SEMA4D: variants seen among roughly 807,000 people sequenced by gnomAD.
SEMA4D encodes the protein semaphorin 4D.
In SEMA4D, 22 loss-of-function variants were observed where a neutral mutation model predicts 74.8. That is an observed-to-expected ratio of 0.29 (90% CI 0.21 to 0.42). The LOEUF is 0.42. Among genes scored for constraint, SEMA4D ranks in the 10% least tolerant of loss-of-function variants. The pLI, the probability that SEMA4D is intolerant of heterozygous loss-of-function variation, is 1.00. For missense variants in SEMA4D, 937 were observed against 1,118.4 expected (o/e 0.84, Z 2.31); for synonymous variants, 445 against 463.7 (o/e 0.96, Z 0.52).
intron 1 of SEMA4D, among the ~76,000 whole-genome samples, chr9:89,461,701 T>TC (rs374879306): frequency 0.087 from 2,706 of 31,206 alleles, 65 homozygotes; most frequent in Non-Finnish European, 0.12. Flanking sequence ...CTTTTTTCTC[T>TC]TTTTTTTTTT....
Position 89,492,683 on chromosome 9 carries a change from C to T in SEMA4D, c.-310+5236G>A, listed in dbSNP as rs1825722979. On this transcript the variant is annotated intron_variant, in intron 1 of 15. Transcript: ENST00000422704. This position sits in a 1 kb window ranked among gnomAD's most constrained non-coding sequence, Gnocchi z 4.3. ...TCCAAGACTCTTGGGTCATCCTGGA[C>T]CCCTTGCTTGCTGCAACAGCCCTCA... 6.6e-6 allele frequency among the ~76,000 whole-genome samples: 1 copy of T among 152,200 alleles called. No homozygotes were observed. The highest frequency in any genetic ancestry group is 1.5e-5 in the Non-Finnish European group (1 of 68,034).
intron 2 of SEMA4D, among the ~76,000 whole-genome samples, chr9:89,414,192 T>C (rs1247922307): frequency 6.6e-6 from 1 of 152,224 alleles, no homozygotes; most frequent in East Asian, 1.9e-4. Flanking sequence ...TAAAATGCCC[T>C]GGCTGGCATC....
intron 2 of SEMA4D, among the ~76,000 whole-genome samples, chr9:89,427,420 C>T (rs968028091): frequency 1.3e-5 from 2 of 150,866 alleles, no homozygotes; most frequent in African/African-American, 5.0e-5. Context: ...CCCTGCCTCC[C>T]TGAGACAGCC....
In SEMA4D at chr9:89,377,877, C is replaced by CGA. The variant is rs200244703; in HGVS notation, c.*825_*826dup. ...GTGGATGTGGGAAGGTCCTCTTCTT[C>CGA]GAGAGAGTAAAAGTTAAAAAAAAAG... On this transcript the variant is annotated 3_prime_UTR_variant, in exon 16 of 16. Coordinates refer to ENST00000422704, the MANE Select transcript of SEMA4D (RefSeq NM_001371194.2). 8,623 of 149,980 alleles carry CGA rather than the reference C, an allele frequency of 0.057. 619 individuals carry two copies. The highest frequency in any genetic ancestry group is 0.23 in the East Asian group (1,176 of 5,090). 9.3% of individuals were successfully genotyped at this position (149,980 alleles called of 1,614,324 possible). A position where few individuals can be genotyped will look rare whatever the true frequency, so the allele number is the denominator to read the frequency against.
In SEMA4D at chr9:89,427,789, C is replaced by T. The variant is rs955172515; in HGVS notation, c.-243-22090G>A. ...GGTTCTCATTTTCCGAGCAGTGTGT[C>T]ACCTTCCAGATGATTCAGAATGTGT... On this transcript the variant is annotated intron_variant, in intron 2 of 15. Coordinates refer to ENST00000422704, the MANE Select transcript of SEMA4D (RefSeq NM_001371194.2). Among the ~76,000 whole-genome samples the T allele has an allele frequency of 2.6e-5, 4 of 152,216 alleles. No individual in the cohort carries two copies. The South Asian group carries it at 6.2e-4, about 24-fold the overall frequency.
At chr9:89,488,947 T>C (rs923435527) in intron 1 of SEMA4D, among the ~76,000 whole-genome samples, 1 of 152,166 alleles carries the variant, frequency 6.6e-6, no homozygotes, top group South Asian at 2.1e-4. Context: ...AACTCACATA[T>C]AAGAAGACAA....
At chr9:89,463,937 C>CCAA (rs562222320) in intron 1 of SEMA4D, among the ~76,000 whole-genome samples, 6 of 125,602 alleles carry the variant, frequency 4.8e-5, no homozygotes, top group African/African-American at 1.5e-4. Flanking sequence ...CCGTCTCAGA[C>CCAA]AAAAAAAAAA....
intron 2 of SEMA4D, among the ~76,000 whole-genome samples, chr9:89,429,399 G>C (rs1848775642): frequency 6.6e-6 from 1 of 152,198 alleles, no homozygotes; most frequent in Non-Finnish European, 1.5e-5. Context: ...CAGCAACACT[G>C]TCACCATCCC....
In SEMA4D at chr9:89,405,673, TACTTCTTCAGGGCCTCAGA is replaced by T. The variant is rs1843170165; in HGVS notation, c.-236_-218del. 1 of 1,413,104 alleles carries T rather than the reference TACTTCTTCAGGGCCTCAGA, an allele frequency of 7.1e-7. No individual in the cohort carries two copies. The highest frequency in any genetic ancestry group is 9.2e-7 in the Non-Finnish European group (1 of 1,087,524). The allele number at this position is 1,413,104 out of a possible 1,614,324, so 87.5% of individuals were successfully genotyped here. A position where few individuals can be genotyped will look rare whatever the true frequency, so the allele number is the denominator to read the frequency against. On this transcript the variant is annotated 5_prime_UTR_variant, in exon 3 of 16. The change abolishes the stop of an existing upstream ORF in the 5' untranslated region. Transcript: ENST00000422704. ...CACCGCAATGTCAAAGCCCACTTGA[TACTTCTTCAGGGCCTCAGA>T]AGAAATGCTGGAAGGACATGAGAAA...
chr9:89,486,622 C>T (rs1825218650), intron 1 of SEMA4D, among the ~76,000 whole-genome samples: 1 of 152,194 alleles, frequency 6.6e-6, no homozygotes, highest in Non-Finnish European at 1.5e-5. Flanking sequence ...AAACCCCAGA[C>T]AGGCTGGGCA....
At chr9:89,456,149 G>A (rs1407789520) in intron 1 of SEMA4D, among the ~76,000 whole-genome samples, 196 bp from the exon 2 acceptor site, 3 of 152,236 alleles carry the variant, frequency 2.0e-5, no homozygotes, top group Admixed American at 6.5e-5. Flanking sequence ...AGGCATCACA[G>A]CTAACAGACA....
At chr9:89,475,955 C>A (rs1355714693) in intron 1 of SEMA4D, among the ~76,000 whole-genome samples, 1 of 152,164 alleles carries the variant, frequency 6.6e-6, no homozygotes, top group Admixed American at 6.5e-5. Context: ...GGAAGGAGGA[C>A]AACAGGAATG....
At chr9:89,472,703 GA>G in intron 1 of SEMA4D, 1 of 160,730 alleles carries the variant, frequency 6.2e-6, no homozygotes, top group South Asian at 1.7e-4. Flanking sequence ...TAATCAAAAG[GA>G]AAAACCCCAG....
intron 2 of SEMA4D, among the ~76,000 whole-genome samples, chr9:89,408,981 G>A (rs991170234): frequency 2.6e-4 from 39 of 152,350 alleles, no homozygotes; most frequent in African/African-American, 9.1e-4. Context: ...CGGATGCGGA[G>A]CCTGCAGAGG....
At chr9:89,369,904 G>A in intron 16 of SEMA4D, among the ~76,000 whole-genome samples, 1 of 151,840 alleles carries the variant, frequency 6.6e-6, no homozygotes, top group East Asian at 1.9e-4. Context: ...ATGTGTGGAT[G>A]TGATTGGTGT....
At chr9:89,438,936 A>AT (rs761109363) in intron 2 of SEMA4D, among the ~76,000 whole-genome samples, 8 of 106,748 alleles carry the variant, frequency 7.5e-5, no homozygotes, top group African/African-American at 2.9e-4. Flanking sequence ...AAGTGCTGGT[A>AT]TTATAGGTGT....
intron 2 of SEMA4D, chr9:89,450,660 G>GAA (rs71358578): frequency 1.0e-4 from 43 of 430,402 alleles, no homozygotes; most frequent in South Asian, 5.7e-4. Flanking sequence ...AAAAACCCAG[G>GAA]AAAAAAAAAA....
At position 89,405,545 on chromosome 9, in the gene SEMA4D, G is replaced by A. The variant is rs1368734735; in HGVS notation, c.-89C>T. The A allele has an allele frequency of 5.1e-6, 8 of 1,553,722 alleles. No homozygotes were observed. Among genetic ancestry groups the A allele is most frequent in the East Asian group, 2.3e-5 (1 of 42,678 alleles). ...TGTGCTATTGCAGATGCGGCTCAGC[G>A]CCCCAGGACCAGGGCCAGCAGCACA... On this transcript the variant is annotated 5_prime_UTR_variant, in exon 3 of 16. Coordinates refer to ENST00000422704, the MANE Select transcript of SEMA4D (RefSeq NM_001371194.2).
At chr9:89,371,497 G>A (rs1340693503) in intron 16 of SEMA4D, among the ~76,000 whole-genome samples, 1 of 102,828 alleles carries the variant, frequency 9.7e-6, no homozygotes, top group Non-Finnish European at 2.0e-5. Flanking sequence ...GATGTGTCTG[G>A]GGTGTAGTGT....
Sources: allele counts gnomAD v4.1 joint callset (sites outside exome capture counted in the v4.1 genomes callset), GRCh38; gene constraint gnomAD v4.1.1; non-coding constraint Gnocchi (gnomAD v3.1); transcripts MANE v1.5; gene names NCBI Gene and HGNC (gene_info 2026-07-23, HGNC 2026-07-21).